RAB38: variants seen among roughly 807,000 people sequenced by gnomAD.
The protein encoded by RAB38 is RAB38, member RAS oncogene family, also known as ras-related protein Rab-38.
RAB38 carries 15 observed loss-of-function variants against 18.4 expected under a neutral mutation model. The observed-to-expected ratio is 0.82, with a 90% confidence interval of 0.55 to 1.26. RAB38 has a LOEUF of 1.26. Ranked by LOEUF, RAB38 falls within the 50% of genes most tolerant of loss-of-function variation. The probability of loss-of-function intolerance (pLI) is 0.00; values close to 1 mark genes in which losing one functional copy is unlikely to be tolerated. For synonymous variants in RAB38, 101 were observed against 104.4 expected, an observed-to-expected ratio of 0.97 and a Z score of 0.20; for missense variants, 294 against 267.4, an observed-to-expected ratio of 1.10 and a Z score of -0.69.
At chr11:88,154,091 G>A (rs1307152523) in intron 1 of RAB38, among the ~76,000 whole-genome samples, 2 of 152,160 alleles carry the variant, frequency 1.3e-5, no homozygotes, top group African/African-American at 2.4e-5. Flanking sequence ...TTTCCATTGG[G>A]GATCCCAGCA....
At chr11:87,932,118 T>G in the RAB38 span, among the ~76,000 whole-genome samples, 1 of 151,754 alleles carries the variant, frequency 6.6e-6, no homozygotes, top group African/African-American at 2.4e-5. Flanking sequence ...ATTAGCTAAA[T>G]AAGAGATTCA....
the RAB38 span, among the ~76,000 whole-genome samples, chr11:87,868,547 C>A: frequency 1.7e-5 from 2 of 114,568 alleles, no homozygotes; most frequent in East Asian, 5.1e-4. Flanking sequence ...GAAAGGTGAT[C>A]CAGATCAGGG....
At chr11:88,071,291 C>A in the RAB38 span, among the ~76,000 whole-genome samples, 1 of 151,392 alleles carries the variant, frequency 6.6e-6, no homozygotes, top group African/African-American at 2.4e-5. Context: ...CAGAGATATA[C>A]CACTTCTGGG....
chr11:87,910,085 G>C, the RAB38 span, among the ~76,000 whole-genome samples: 1 of 151,958 alleles, frequency 6.6e-6, no homozygotes, highest in Non-Finnish European at 1.5e-5. Flanking sequence ...GGTTATTTCT[G>C]TTGAATTTTA....
the RAB38 span, among the ~76,000 whole-genome samples, chr11:87,903,722 T>C: frequency 6.6e-6 from 1 of 151,622 alleles, no homozygotes; most frequent in Non-Finnish European, 1.5e-5. Flanking sequence ...TTCATAACTA[T>C]GAAATCATTT....
At chr11:87,933,707 C>CA in the RAB38 span, among the ~76,000 whole-genome samples, 1,758 of 122,840 alleles carry the variant, frequency 0.014, 23 homozygotes, top group African/African-American at 0.043. Flanking sequence ...TGCATGGAGC[C>CA]AAAAAAAAAA....
At chr11:87,881,388 C>T in the RAB38 span, among the ~76,000 whole-genome samples, 1 of 151,824 alleles carries the variant, frequency 6.6e-6, no homozygotes, top group Non-Finnish European at 1.5e-5. Flanking sequence ...AGTTCTGACT[C>T]TTCCTTTGTC....
the RAB38 span, among the ~76,000 whole-genome samples, chr11:88,075,587 A>G: frequency 1.3e-5 from 2 of 152,212 alleles, no homozygotes; most frequent in Non-Finnish European, 1.5e-5. Flanking sequence ...TCAAAAAGAT[A>G]GAAAAACTTC....
At chr11:88,038,296 A>G in the RAB38 span, among the ~76,000 whole-genome samples, 2 of 152,184 alleles carry the variant, frequency 1.3e-5, no homozygotes, top group South Asian at 4.1e-4. Flanking sequence ...AAAAATATTA[A>G]TTACCATTTC....
At chr11:87,922,515 T>G in the RAB38 span, among the ~76,000 whole-genome samples, 2 of 151,940 alleles carry the variant, frequency 1.3e-5, no homozygotes, top group Admixed American at 1.3e-4. Flanking sequence ...ACCTGTCATA[T>G]TCATATTTGA....
the RAB38 span, among the ~76,000 whole-genome samples, chr11:88,025,699 G>T: frequency 1.3e-5 from 2 of 151,956 alleles, no homozygotes; most frequent in Non-Finnish European, 1.5e-5. Context: ...TCAGTCTTCT[G>T]CCCACTTTTT....
the RAB38 span, among the ~76,000 whole-genome samples, chr11:88,075,898 A>AC: frequency 6.6e-6 from 1 of 151,862 alleles, no homozygotes; most frequent in Admixed American, 6.6e-5. Context: ...AGAAAACAAA[A>AC]AAAAAAAAGC....
At chr11:87,971,832 A>G in the RAB38 span, among the ~76,000 whole-genome samples, 1 of 152,088 alleles carries the variant, frequency 6.6e-6, no homozygotes, top group Non-Finnish European at 1.5e-5. Flanking sequence ...ACTCTAAAAC[A>G]ATAATGTTGT....
At chr11:87,816,695 TGTATA>T in the RAB38 span, among the ~76,000 whole-genome samples, 1 of 152,066 alleles carries the variant, frequency 6.6e-6, no homozygotes, top group Non-Finnish European at 1.5e-5. Context: ...TACGTGTGTG[TGTATA>T]GAGAGAGAAA....
the RAB38 span, among the ~76,000 whole-genome samples, chr11:88,101,345 C>T: frequency 6.6e-6 from 1 of 151,882 alleles, no homozygotes; most frequent in Non-Finnish European, 1.5e-5. Flanking sequence ...AAACATTTAT[C>T]TTTGAAACAT....
chr11:87,940,360 G>A, the RAB38 span, among the ~76,000 whole-genome samples: 5 of 152,044 alleles, frequency 3.3e-5, no homozygotes, highest in African/African-American at 1.2e-4. Flanking sequence ...GTGAGATAAT[G>A]AGTGAAATAA....
the RAB38 span, among the ~76,000 whole-genome samples, chr11:88,008,180 T>C: frequency 6.6e-6 from 1 of 152,128 alleles, no homozygotes; most frequent in Non-Finnish European, 1.5e-5. Flanking sequence ...TCTCCTGAAA[T>C]TATACATTTG....
chr11:88,054,105 G>C, the RAB38 span, among the ~76,000 whole-genome samples: 3 of 152,154 alleles, frequency 2.0e-5, no homozygotes, highest in African/African-American at 7.2e-5. Flanking sequence ...AAGGATTAAT[G>C]CATATAAAGC....
At chr11:87,840,188 G>T in the RAB38 span, among the ~76,000 whole-genome samples, 2 of 152,296 alleles carry the variant, frequency 1.3e-5, no homozygotes, top group African/African-American at 2.4e-5. Context: ...GGAAGAGTTG[G>T]GAAGGTGTTG....
Sources: gnomAD v4.1 joint callset for allele counts (sites outside exome capture counted in the v4.1 genomes callset) on GRCh38, gnomAD v4.1.1 for gene constraint, MANE v1.5 for transcripts, NCBI Gene and HGNC (gene_info 2026-07-23, HGNC 2026-07-21) for gene names.